KHDRBS2: variants seen among roughly 807,000 people sequenced by gnomAD.
KHDRBS2 encodes the protein KH RNA binding domain containing, signal transduction associated 2.
Under a neutral mutation model 44.3 loss-of-function variants are expected in KHDRBS2, and 26 were observed. That is an observed-to-expected ratio of 0.59 (90% CI 0.43 to 0.81). KHDRBS2 has a LOEUF of 0.81. Ranked by LOEUF, KHDRBS2 falls within the 40% of genes least tolerant of loss-of-function variation. The probability of loss-of-function intolerance (pLI) is 0.00; values close to 1 mark genes in which losing one functional copy is unlikely to be tolerated. For missense variants in KHDRBS2, 476 were observed against 433.1 expected, an observed-to-expected ratio of 1.10 and a Z score of -0.88; for synonymous variants, 194 against 151.1, an observed-to-expected ratio of 1.28 and a Z score of -2.08.
At chr6:62,023,098 G>C (rs79198122) in intron 3 of KHDRBS2, among the ~76,000 whole-genome samples, 14 of 151,620 alleles carry the variant, frequency 9.2e-5, no homozygotes, top group Admixed American at 9.2e-4. Context: ...TAAAAAACAA[G>C]TGTTTTAATC....
rs554383796 is a variant in KHDRBS2 at position 61,973,577 on chromosome 6, C to A, written c.483+4489G>T. 1.8e-4 allele frequency among the ~76,000 whole-genome samples: 28 copies of A among 152,270 alleles called. No homozygotes were observed. The South Asian group carries it at 3.7e-3, about 20-fold the overall frequency. ...GAATCACAGCTATCACTAAGACACA[C>A]ATCCAACTAATGCAGGAAAGAAAGA... On this transcript the variant is annotated intron_variant, in intron 4 of 8. Coordinates refer to ENST00000281156, the MANE Select transcript of KHDRBS2 (RefSeq NM_152688.4).
the KHDRBS2 span, among the ~76,000 whole-genome samples, chr6:61,573,302 C>CT: frequency 2.0e-5 from 3 of 152,112 alleles, no homozygotes; most frequent in Non-Finnish European, 2.9e-5. Context: ...CAAAACACTG[C>CT]TGAAAGAAAG....
At chr6:62,117,867 C>T (rs1670952239) in intron 2 of KHDRBS2, among the ~76,000 whole-genome samples, 2 of 152,106 alleles carry the variant, frequency 1.3e-5, no homozygotes, top group South Asian at 4.1e-4. Context: ...CCTCTGCCTC[C>T]TCGGTTTAAG....
chr6:62,132,697 T>G (rs1228025857), intron 2 of KHDRBS2, among the ~76,000 whole-genome samples: 1 of 152,170 alleles, frequency 6.6e-6, no homozygotes, highest in African/African-American at 2.4e-5. Context: ...TCCTGAAAGA[T>G]GCTTAGTAGA....
At chr6:62,117,817 C>T (rs1292150550) in intron 2 of KHDRBS2, among the ~76,000 whole-genome samples, 1 of 151,932 alleles carries the variant, frequency 6.6e-6, no homozygotes, top group East Asian at 1.9e-4. Context: ...GCTCTGTCAC[C>T]CAGGCTGGAG....
intron 3 of KHDRBS2, among the ~76,000 whole-genome samples, chr6:62,046,869 A>C (rs548054926): frequency 2.0e-5 from 3 of 151,880 alleles, no homozygotes; most frequent in African/African-American, 7.2e-5. Flanking sequence ...TCCGTCTGTG[A>C]CTTTCTACAG....
intron 6 of KHDRBS2, among the ~76,000 whole-genome samples, chr6:61,827,293 C>G (rs974680443): frequency 6.6e-5 from 10 of 152,158 alleles, no homozygotes; most frequent in Non-Finnish European, 1.3e-4. Flanking sequence ...AGGATGTTAA[C>G]GCAGGCTGCC....
intron 6 of KHDRBS2, among the ~76,000 whole-genome samples, chr6:61,806,465 C>T (rs140786797): frequency 2.2e-4 from 33 of 152,238 alleles, no homozygotes; most frequent in Admixed American, 7.2e-4. Context: ...TTGACTTCAA[C>T]CACGTGAAGG....
intron 3 of KHDRBS2, among the ~76,000 whole-genome samples, chr6:62,023,850 G>A (rs370384628): frequency 2.0e-5 from 3 of 150,796 alleles, no homozygotes; most frequent in South Asian, 4.2e-4. Context: ...AATTTACTAT[G>A]TAAAGTATAA....
At chr6:61,808,808 CT>C (rs570621863) in intron 6 of KHDRBS2, among the ~76,000 whole-genome samples, 105 of 151,394 alleles carry the variant, frequency 6.9e-4, no homozygotes, top group African/African-American at 2.1e-3. Flanking sequence ...TGTATCTTTA[CT>C]TTTTTTTAAA....
At chr6:61,656,658 G>T in the KHDRBS2 span, among the ~76,000 whole-genome samples, 1 of 151,926 alleles carries the variant, frequency 6.6e-6, no homozygotes, top group African/African-American at 2.4e-5. Context: ...AGACACACCA[G>T]GGTCTACTTC....
chr6:62,020,206 T>C (rs1562656035), intron 3 of KHDRBS2, among the ~76,000 whole-genome samples: 1 of 152,030 alleles, frequency 6.6e-6, no homozygotes, highest in African/African-American at 2.4e-5. Flanking sequence ...AATTGCCAAA[T>C]ATTTGGGAAT....
chr6:61,713,742 T>C (rs143764670), intron 7 of KHDRBS2, among the ~76,000 whole-genome samples: 56 of 151,732 alleles, frequency 3.7e-4, no homozygotes, highest in African/African-American at 1.3e-3. Flanking sequence ...AAACCACATA[T>C]TTACAGCCAT....
chr6:61,693,251 G>T (rs370425545), intron 8 of KHDRBS2, among the ~76,000 whole-genome samples: 1 of 151,940 alleles, frequency 6.6e-6, no homozygotes, highest in Non-Finnish European at 1.5e-5. Flanking sequence ...TGCCTATTTG[G>T]ATATTTTATT....
chr6:61,894,696 G>GC lies in KHDRBS2; in HGVS notation c.748dup (p.Ala250GlyfsTer16). The GC allele has an allele frequency of 1.4e-5, 23 of 1,613,272 alleles. No individual in the cohort carries two copies. Among genetic ancestry groups the GC allele is most frequent in the Non-Finnish European group, 1.9e-5 (22 of 1,179,718 alleles). ...TGCCCTGTATCCTGGCACTGTTGGT[G>GC]CCCCCCGGGCTCGAGGGGTAGGGAC... On this transcript the variant is annotated frameshift_variant, in exon 6 of 9. Coordinates refer to ENST00000281156, the MANE Select transcript of KHDRBS2 (RefSeq NM_152688.4). LOFTEE classifies it high-confidence loss of function.
At chr6:62,036,020 C>A (rs957546625) in intron 3 of KHDRBS2, among the ~76,000 whole-genome samples, 2 of 151,932 alleles carry the variant, frequency 1.3e-5, no homozygotes, top group African/African-American at 4.8e-5. Context: ...AAAGAATATT[C>A]CAGGCTCTAG....
chr6:62,023,669 A>G (rs1004185159), intron 3 of KHDRBS2, among the ~76,000 whole-genome samples: 6 of 151,584 alleles, frequency 4.0e-5, no homozygotes, highest in African/African-American at 1.4e-4. Context: ...AAACAAAAAC[A>G]TAAAAGAAAA....
intron 1 of KHDRBS2, among the ~76,000 whole-genome samples, chr6:62,244,333 A>G (rs1164598442): frequency 1.3e-5 from 2 of 152,132 alleles, no homozygotes; most frequent in Non-Finnish European, 2.9e-5. Context: ...GCCTGTTTTT[A>G]AATGACTCTT....
chr6:61,874,990 T>C (rs2127308566), intron 6 of KHDRBS2, among the ~76,000 whole-genome samples: 1 of 152,254 alleles, frequency 6.6e-6, no homozygotes, highest in African/African-American at 2.4e-5. Flanking sequence ...TAGCATGTCC[T>C]CGGTAAGGCC....
Sources: allele counts gnomAD v4.1 joint callset (sites outside exome capture counted in the v4.1 genomes callset), GRCh38; gene constraint gnomAD v4.1.1; transcripts MANE v1.5; gene names NCBI Gene and HGNC (gene_info 2026-07-23, HGNC 2026-07-21).